CMIP: variants seen among roughly 807,000 people sequenced by gnomAD.
The protein encoded by CMIP is C-Maf-inducing protein.
A neutral mutation model predicts 97.3 loss-of-function variants in CMIP; 13 were observed. That is an observed-to-expected ratio of 0.13 (90% CI 0.09 to 0.21). The LOEUF is 0.21. CMIP is among the 10% of genes least tolerant of loss of function. The probability of loss-of-function intolerance (pLI) is 1.00; values close to 1 mark genes in which losing one functional copy is unlikely to be tolerated. For synonymous variants in CMIP, 538 were observed against 436.3 expected, an observed-to-expected ratio of 1.23 and a Z score of -2.91; for missense variants, 847 against 1,024.9, an observed-to-expected ratio of 0.83 and a Z score of 2.37.
At chr16:81,700,622 G>A (rs553335875) in intron 15 of CMIP, 1 of 152,636 alleles carries the variant, frequency 6.6e-6, no homozygotes, top group African/African-American at 2.4e-5. Flanking sequence ...GAGCATCGAA[G>A]AGTTGGCAGG....
At chr16:81,449,562 G>A (rs9928438) in intron 1 of CMIP, among the ~76,000 whole-genome samples, 20 of 152,140 alleles carry the variant, frequency 1.3e-4, no homozygotes, top group African/African-American at 2.9e-4. Flanking sequence ...CCACATGCAC[G>A]CATGTTAATT....
At chr16:81,658,712 A>G (rs1302566368) in intron 5 of CMIP, among the ~76,000 whole-genome samples, 1 of 152,238 alleles carries the variant, frequency 6.6e-6, no homozygotes, top group African/African-American at 2.4e-5. Context: ...AGCATAAGGA[A>G]ATGAGAAGCA....
intron 3 of CMIP, among the ~76,000 whole-genome samples, chr16:81,638,823 G>C (rs549279284): frequency 6.6e-5 from 10 of 152,106 alleles, no homozygotes; most frequent in African/African-American, 2.4e-4. Context: ...CAGGAGGACA[G>C]GAGGGGCGGG....
intron 1 of CMIP, among the ~76,000 whole-genome samples, chr16:81,508,670 A>G (rs2089755186): frequency 1.3e-5 from 2 of 152,244 alleles, no homozygotes; most frequent in African/African-American, 4.8e-5. Flanking sequence ...ATTGATAGGT[A>G]TTTACAGACT....
intron 3 of CMIP, chr16:81,630,302 G>C (rs1049569720): frequency 6.6e-6 from 1 of 152,264 alleles, no homozygotes; most frequent in Admixed American, 6.5e-5. Context: ...GCTAGGAGAC[G>C]GGGCTGCAGA....
intron 10 of CMIP, among the ~76,000 whole-genome samples, chr16:81,684,911 G>A (rs959671183): frequency 6.6e-6 from 1 of 152,224 alleles, no homozygotes; most frequent in Non-Finnish European, 1.5e-5. Context: ...ATGGGAGACT[G>A]CCCCAGTGGC....
intron 1 of CMIP, among the ~76,000 whole-genome samples, chr16:81,577,274 T>C (rs546182611): frequency 6.6e-6 from 1 of 151,452 alleles, no homozygotes; most frequent in Admixed American, 6.6e-5. Flanking sequence ...ATCACCACCA[T>C]CATCACCATC....
chr16:81,618,259 C>T (rs1289930930), intron 2 of CMIP, among the ~76,000 whole-genome samples: 2 of 152,268 alleles, frequency 1.3e-5, no homozygotes, highest in Non-Finnish European at 2.9e-5. Context: ...GGGGAGAATT[C>T]GTTTCCAGCT....
chr16:81,656,678 C>G (rs2092486144), intron 4 of CMIP, among the ~76,000 whole-genome samples: 2 of 152,208 alleles, frequency 1.3e-5, no homozygotes, highest in African/African-American at 4.8e-5. Flanking sequence ...CGCTCTGTCG[C>G]CCAGGCTGGA....
intron 1 of CMIP, among the ~76,000 whole-genome samples, chr16:81,514,632 G>A (rs1018017700): frequency 6.6e-6 from 1 of 152,114 alleles, no homozygotes; most frequent in Non-Finnish European, 1.5e-5. Flanking sequence ...GCGGTCAATC[G>A]CGGTGGCTCT....
At chr16:81,687,848 C>T (rs529852477) in intron 10 of CMIP, among the ~76,000 whole-genome samples, 1 of 152,208 alleles carries the variant, frequency 6.6e-6, no homozygotes, top group East Asian at 1.9e-4. Context: ...CCTCAGGAAA[C>T]TCCCGAAGCT....
intron 1 of CMIP, among the ~76,000 whole-genome samples, chr16:81,463,249 T>G (rs1906997233): frequency 6.6e-6 from 1 of 152,126 alleles, no homozygotes; most frequent in Non-Finnish European, 1.5e-5. Flanking sequence ...TCTTTGTTTC[T>G]CCCCAGGTTG....
intron 1 of CMIP, among the ~76,000 whole-genome samples, chr16:81,591,260 A>G (rs1219927175): frequency 1.3e-5 from 2 of 152,144 alleles, no homozygotes; most frequent in African/African-American, 4.8e-5. Flanking sequence ...TGAGCAGTTG[A>G]CCCAGTATCT....
chr16:81,492,756 C>T lies in CMIP; in HGVS notation c.300+47215C>T, dbSNP rs117332614. Among the ~76,000 whole-genome samples, 17 of 150,000 alleles carry T rather than the reference C, an allele frequency of 1.1e-4. No homozygotes were observed. The East Asian group carries it at 1.8e-3, about 16-fold the overall frequency. ...ATAGACCACGGAAACGGCAGGCAGCCGGGATAAGGAGGACAAGAGGCAGGA... is the reference window on the plus strand; with the variant it reads ...ATAGACCACGGAAACGGCAGGCAGCTGGGATAAGGAGGACAAGAGGCAGGA... On this transcript the variant is annotated intron_variant, in intron 1 of 20. Transcript: ENST00000537098.
At chr16:81,593,443 C>T (rs543485925) in intron 1 of CMIP, among the ~76,000 whole-genome samples, 4 of 152,250 alleles carry the variant, frequency 2.6e-5, no homozygotes, top group African/African-American at 4.8e-5. Flanking sequence ...GGTCTCTGAC[C>T]CCAGGCCATC....
At chr16:81,703,486 GACACACCA>G (rs1907647993) in intron 17 of CMIP, among the ~76,000 whole-genome samples, 1 of 151,796 alleles carries the variant, frequency 6.6e-6, no homozygotes, top group African/African-American at 2.4e-5. Flanking sequence ...GACACACAGA[GACACACCA>G]ACACACACAC....
intron 1 of CMIP, among the ~76,000 whole-genome samples, chr16:81,536,261 G>A (rs9925488): frequency 0.38 from 58,055 of 151,948 alleles, 12,297 homozygotes; most frequent in Non-Finnish European, 0.47. Context: ...ATGACCAAAG[G>A]TACTTGGGAG....
At chr16:81,517,616 T>C (rs1297354563) in intron 1 of CMIP, among the ~76,000 whole-genome samples, 1 of 152,246 alleles carries the variant, frequency 6.6e-6, no homozygotes, top group Non-Finnish European at 1.5e-5. Context: ...GACAGCCCTG[T>C]ATTCACATAT....
chr16:81,502,025 A>G (rs951846395), intron 1 of CMIP, among the ~76,000 whole-genome samples: 4 of 152,152 alleles, frequency 2.6e-5, no homozygotes, highest in African/African-American at 4.8e-5. Context: ...GGTGCCTACT[A>G]TATGCTAGGC....
Sources: allele counts gnomAD v4.1 joint callset (sites outside exome capture counted in the v4.1 genomes callset), GRCh38; gene constraint gnomAD v4.1.1; transcripts MANE v1.5; gene names NCBI Gene and HGNC (gene_info 2026-07-23, HGNC 2026-07-21).